The following ATIC variants were observed in gnomAD, a reference collection of about 807,000 sequenced individuals.
ATIC encodes bifunctional purine biosynthesis protein ATIC.
A neutral mutation model predicts 72.5 loss-of-function variants in ATIC; 64 were observed. That is an observed-to-expected ratio of 0.88 (90% CI 0.72 to 1.09). ATIC has a LOEUF of 1.09. Ranked by LOEUF, ATIC falls within the 50% of genes least tolerant of loss-of-function variation. The pLI, the probability that ATIC is intolerant of heterozygous loss-of-function variation, is 0.00. For missense variants in ATIC, 787 were observed against 732.4 expected, an observed-to-expected ratio of 1.07 and a Z score of -0.86; for synonymous variants, 281 against 267.1, an observed-to-expected ratio of 1.05 and a Z score of -0.51.
chr2:215,337,439 T>C (rs1432930385), intron 11 of ATIC, among the ~76,000 whole-genome samples: 1 of 152,152 alleles, frequency 6.6e-6, no homozygotes, highest in Non-Finnish European at 1.5e-5. Flanking sequence ...TGATCTTGGC[T>C]CACTGCAACC....
chr2:215,357,660 T>G, the ATIC span, among the ~76,000 whole-genome samples: 1 of 151,986 alleles, frequency 6.6e-6, no homozygotes, highest in East Asian at 2.0e-4. Flanking sequence ...TGTTTGCAAT[T>G]CAAGTTGAAT....
intron 14 of ATIC, chr2:215,348,856 G>T: frequency 6.6e-6 from 2 of 301,108 alleles, no homozygotes; most frequent in Non-Finnish European, 1.2e-5. Context: ...TACTTGGGAG[G>T]CTGAGGCAGG....
chr2:215,363,531 G>A, the ATIC span: 1 of 152,236 alleles, frequency 6.6e-6, no homozygotes, highest in Non-Finnish European at 1.5e-5. Flanking sequence ...TGCCCCTGGT[G>A]GAGCCAAGAC....
intron 2 of ATIC, among the ~76,000 whole-genome samples, chr2:215,316,026 ATT>A (rs2052704912): frequency 6.6e-6 from 1 of 151,980 alleles, no homozygotes; most frequent in South Asian, 2.1e-4. Flanking sequence ...ATCTGCAATA[ATT>A]TTATCCCAGG....
chr2:215,344,343 A>T (rs899919358), intron 12 of ATIC, among the ~76,000 whole-genome samples: 2 of 152,182 alleles, frequency 1.3e-5, no homozygotes, highest in Admixed American at 1.3e-4. Context: ...TCCCTCTGTC[A>T]TTTGAGTGGT....
chr2:215,365,773 G>T, the ATIC span: 3 of 491,166 alleles, frequency 6.1e-6, no homozygotes, highest in Admixed American at 3.9e-5. Context: ...CCCCTATAAT[G>T]GGCCATTTAT....
At chr2:215,333,902 C>T (rs1411576359) in intron 9 of ATIC, among the ~76,000 whole-genome samples, 2 of 151,496 alleles carry the variant, frequency 1.3e-5, no homozygotes, top group Non-Finnish European at 2.9e-5. Flanking sequence ...ATTAGCTGGG[C>T]GTGGTGGGGG....
chr2:215,365,481 TA>T, the ATIC span: 2 of 1,612,850 alleles, frequency 1.2e-6, no homozygotes, highest in Non-Finnish European at 1.7e-6. Flanking sequence ...AATAAGGCAC[TA>T]AAAATGATCT....
rs146274138 is a variant in ATIC, at chr2:215,313,052, G to A, written c.146+428G>A. ...GCGGAGGTTGTGGTGAGCCGAGATG[G>A]CACTACTGCACTCCATCCTGGGTGA... is the stretch of plus-strand genomic sequence containing the variant. On this transcript the variant is annotated intron_variant, in intron 2 of 15. Transcript: ENST00000236959. Among the ~76,000 whole-genome samples, 595 of 152,230 alleles carry A rather than the reference G, an allele frequency of 3.9e-3. 5 individuals carry two copies. Among genetic ancestry groups the A allele is most frequent in the African/African-American group, 0.013 (540 of 41,542 alleles).
chr2:215,348,843 A>G lies in ATIC; in HGVS notation c.1504-251A>G, dbSNP rs2053099164. The G allele has an allele frequency of 9.9e-6, 3 of 301,776 alleles. No individual in the cohort carries two copies. The South Asian group carries it at 1.1e-4, about 11-fold the overall frequency. 18.7% of individuals were successfully genotyped at this position (301,776 alleles called of 1,614,324 possible). On this transcript the variant is annotated intron_variant, in intron 14 of 15. Transcript: ENST00000236959. ...TGTGGTGGTGTGCACTTGTGGTCCCAGGTACTTGGGAGGCTGAGGCAGGAG... is the reference window on the plus strand; with the variant it reads ...TGTGGTGGTGTGCACTTGTGGTCCCGGGTACTTGGGAGGCTGAGGCAGGAG...
chr2:215,316,678 C>A (rs987864663), intron 2 of ATIC, among the ~76,000 whole-genome samples: 2 of 152,186 alleles, frequency 1.3e-5, no homozygotes, highest in Non-Finnish European at 2.9e-5. Context: ...TATTTTTCTT[C>A]AAGCATTTTT....
At chr2:215,361,661 G>T in the ATIC span, 1 of 1,472,558 alleles carries the variant, frequency 6.8e-7, no homozygotes, top group Non-Finnish European at 9.5e-7. Context: ...AAAATTAGTG[G>T]CAAATACTGT....
At chr2:215,368,446 A>G in the ATIC span, among the ~76,000 whole-genome samples, 12 of 152,310 alleles carry the variant, frequency 7.9e-5, no homozygotes, top group Non-Finnish European at 1.8e-4. Context: ...CTGCAATACT[A>G]GCGTAATAAT....
intron 2 of ATIC, among the ~76,000 whole-genome samples, chr2:215,316,886 C>T (rs761379666): frequency 6.6e-6 from 1 of 152,170 alleles, no homozygotes; most frequent in Non-Finnish European, 1.5e-5. Context: ...CCTCAGCCTC[C>T]CAAGTAGCTG....
Position 215,340,939 on chromosome 2 carries a change from G to A in ATIC, c.1227+2032G>A, listed in dbSNP as rs78904691. On this transcript the variant is annotated intron_variant, in intron 12 of 15. Coordinates refer to ENST00000236959, the MANE Select transcript of ATIC (RefSeq NM_004044.7). ...GTCTGTTAGCACTTGCTGTCTGTCC[G>A]CTCTGCCCAGCATTTCTGTTTGTTA... Among the ~76,000 whole-genome samples, 523 of 152,166 alleles carry A rather than the reference G, an allele frequency of 3.4e-3. 1 individual carries two copies. The highest frequency in any genetic ancestry group is 0.012 in the African/African-American group (501 of 41,516).
Position 215,349,093 on chromosome 2 carries a change from G to A in ATIC, c.1504-1G>A. On this transcript the variant is annotated splice_acceptor_variant, in intron 14 of 15. Transcript: ENST00000236959. LOFTEE classifies it high-confidence loss of function. Reference sequence around the variant, plus strand: ...TTCTTCCTTTCTCTCTCCCCGCATAGGATGAAGATTTGATAAAGTGGAAGG... The same window carrying A: ...TTCTTCCTTTCTCTCTCCCCGCATAAGATGAAGATTTGATAAAGTGGAAGG... 6.2e-7 allele frequency: 1 copy of A among 1,614,074 alleles called. No homozygotes were observed. Among genetic ancestry groups the A allele is most frequent in the Non-Finnish European group, 8.5e-7 (1 of 1,180,016 alleles).
the ATIC span, chr2:215,361,772 T>TA: frequency 1.0e-6 from 1 of 990,888 alleles, no homozygotes; most frequent in Non-Finnish European, 1.6e-6. Flanking sequence ...AGCAGCATAC[T>TA]GGGCAATAGG....
At chr2:215,367,966 A>G in the ATIC span, 21 of 1,614,054 alleles carry the variant, frequency 1.3e-5, no homozygotes, top group African/African-American at 2.7e-5. Context: ...CAACGGCATA[A>G]TGGGAAACTG....
Position 215,322,452 on chromosome 2 carries a change from C to T in ATIC, c.290+2721C>T, listed in dbSNP as rs565633990. Among the ~76,000 whole-genome samples the T allele has an allele frequency of 6.0e-5, 9 of 151,256 alleles. No individual in the cohort carries two copies. The East Asian group carries it at 1.4e-3, about 23-fold the overall frequency. ...TCAAGCGATTCTCATGCCTCAGCCTCGCAAGTAGCTGTGATTACAGGTGCC... is the reference window on the plus strand; with the variant it reads ...TCAAGCGATTCTCATGCCTCAGCCTTGCAAGTAGCTGTGATTACAGGTGCC... On this transcript the variant is annotated intron_variant, in intron 4 of 15. Coordinates refer to ENST00000236959, the MANE Select transcript of ATIC (RefSeq NM_004044.7).
Sources: gnomAD v4.1 joint callset for allele counts (sites outside exome capture counted in the v4.1 genomes callset) on GRCh38, gnomAD v4.1.1 for gene constraint, MANE v1.5 for transcripts, NCBI Gene and HGNC (gene_info 2026-07-23, HGNC 2026-07-21) for gene names.